The following CDKAL1 variants were observed in gnomAD, a reference collection of about 807,000 sequenced individuals.
CDKAL1 encodes the protein threonylcarbamoyladenosine tRNA methylthiotransferase.
Under a neutral mutation model 68.2 loss-of-function variants are expected in CDKAL1, and 32 were observed. The observed-to-expected ratio is 0.47, with a 90% CI of 0.35 to 0.63. The LOEUF (loss-of-function observed/expected upper bound fraction) is 0.63. CDKAL1 is among the 30% of genes least tolerant of loss of function. The pLI is 0.00. For missense variants in CDKAL1, 606 were observed against 696.7 expected (o/e 0.87, Z 1.47); for synonymous variants, 234 against 244.3 (o/e 0.96, Z 0.39).
intron 9 of CDKAL1, among the ~76,000 whole-genome samples, chr6:20,873,681 CA>C (rs1760340080): frequency 6.6e-6 from 1 of 152,136 alleles, no homozygotes; most frequent in Admixed American, 6.5e-5. Flanking sequence ...GCCATTGTCC[CA>C]CCCTCACATC....
intron 13 of CDKAL1, among the ~76,000 whole-genome samples, chr6:21,132,212 T>C (rs1775366069): frequency 6.6e-6 from 1 of 152,148 alleles, no homozygotes; most frequent in Non-Finnish European, 1.5e-5. Context: ...ACTGCATTAT[T>C]ATCAATAATA....
chr6:20,554,439 T>C lies in CDKAL1; in HGVS notation c.286+5734T>C, dbSNP rs559578300. 3.3e-5 allele frequency among the ~76,000 whole-genome samples: 5 copies of C among 152,368 alleles called. No homozygotes were observed. In the South Asian group the frequency reaches 1.0e-3, roughly 32 times the overall value. ...TGGTAAATTGTTTTCAGTGTGCTCA[T>C]TGGTGGCAAATCTTCATATCTTGAG... On this transcript the variant is annotated intron_variant, in intron 4 of 15. Coordinates refer to ENST00000274695, the MANE Select transcript of CDKAL1 (RefSeq NM_017774.3).
chr6:20,748,032 A>G (rs1410305887), intron 6 of CDKAL1, among the ~76,000 whole-genome samples: 1 of 152,214 alleles, frequency 6.6e-6, no homozygotes, highest in Non-Finnish European at 1.5e-5. Context: ...ATGGTGTAGT[A>G]TACAGATTCA....
chr6:21,228,415 A>G (rs1017300995), intron 15 of CDKAL1, among the ~76,000 whole-genome samples: 6 of 152,182 alleles, frequency 3.9e-5, no homozygotes, highest in Non-Finnish European at 8.8e-5. Context: ...GCCTCGGAGA[A>G]ATTAATCAAC....
At chr6:21,151,395 A>C (rs1327582271) in intron 13 of CDKAL1, among the ~76,000 whole-genome samples, 3 of 152,230 alleles carry the variant, frequency 2.0e-5, no homozygotes, top group African/African-American at 7.2e-5. Context: ...CATTCGCACA[A>C]AGGGTATTTG....
intron 10 of CDKAL1, among the ~76,000 whole-genome samples, chr6:20,958,660 T>C (rs1764904004): frequency 1.3e-5 from 2 of 152,208 alleles, no homozygotes; most frequent in South Asian, 4.1e-4. Context: ...TTTTAAACTA[T>C]AGGGATTGAA....
chr6:20,552,405 T>G (rs1763870087), intron 4 of CDKAL1, among the ~76,000 whole-genome samples: 1 of 152,102 alleles, frequency 6.6e-6, no homozygotes, highest in African/African-American at 2.4e-5. Context: ...GATATTGACT[T>G]TTTCTATGTC....
intron 8 of CDKAL1, among the ~76,000 whole-genome samples, chr6:20,801,522 A>G (rs1776363346): frequency 6.6e-6 from 1 of 152,156 alleles, no homozygotes. Flanking sequence ...GTTTCAAATG[A>G]AATTGCAGAC....
intron 4 of CDKAL1, among the ~76,000 whole-genome samples, chr6:20,613,189 A>T (rs545747091): frequency 6.7e-6 from 1 of 149,190 alleles, no homozygotes; most frequent in East Asian, 2.0e-4. Context: ...TTGCAGAAGT[A>T]ATTGCAGCTA....
intron 13 of CDKAL1, among the ~76,000 whole-genome samples, chr6:21,169,920 G>GA (rs983117941): frequency 1.2e-5 from 1 of 84,788 alleles, no homozygotes; most frequent in African/African-American, 7.1e-5. Flanking sequence ...GTACGGGAAA[G>GA]ACCCCCCCCA....
chr6:20,880,466 A>G (rs1157088232), intron 9 of CDKAL1, among the ~76,000 whole-genome samples: 4 of 152,158 alleles, frequency 2.6e-5, no homozygotes, highest in African/African-American at 9.7e-5. Context: ...CATGTTGGCC[A>G]GGAGTGTCTT....
chr6:20,896,102 T>C lies in CDKAL1; in HGVS notation c.742+49924T>C, dbSNP rs1432747077. Among the ~76,000 whole-genome samples, 2 of 114,784 alleles carry C rather than the reference T, an allele frequency of 1.7e-5. 1 individual carries two copies. Among genetic ancestry groups the C allele is most frequent in the African/African-American group, 6.0e-5 (2 of 33,182 alleles). The allele number at this position is 114,784 out of a possible 152,430, so 75.3% of individuals were successfully genotyped here. On this transcript the variant is annotated intron_variant, in intron 9 of 15. Coordinates refer to ENST00000274695, the MANE Select transcript of CDKAL1 (RefSeq NM_017774.3). ...TTCTTTTTTTTCTTTTCTTTTCTTT[T>C]CTTTTTTTTTTTTTTTTGAGATGGA...
chr6:20,808,894 T>C (rs1165742156), intron 8 of CDKAL1, among the ~76,000 whole-genome samples: 1 of 152,214 alleles, frequency 6.6e-6, no homozygotes, highest in Non-Finnish European at 1.5e-5. Context: ...CTGCTGTCTT[T>C]GATTTTGTGT....
intron 11 of CDKAL1, among the ~76,000 whole-genome samples, chr6:21,016,447 G>T (rs1018769113): frequency 1.3e-5 from 2 of 151,812 alleles, no homozygotes; most frequent in African/African-American, 4.8e-5. Context: ...CTGTAATCTG[G>T]TTTCTGCTTA....
chr6:20,903,820 G>T (rs1174212870), intron 9 of CDKAL1, among the ~76,000 whole-genome samples: 1 of 152,170 alleles, frequency 6.6e-6, no homozygotes, highest in East Asian at 1.9e-4. Flanking sequence ...AGGATTCTGG[G>T]AAGATGGCAG....
chr6:20,796,701 T>G (rs990025480), intron 8 of CDKAL1, among the ~76,000 whole-genome samples: 6 of 152,166 alleles, frequency 3.9e-5, no homozygotes, highest in Non-Finnish European at 7.3e-5. Flanking sequence ...TATGGGCAGT[T>G]GATTTTGACA....
intron 10 of CDKAL1, among the ~76,000 whole-genome samples, chr6:20,985,018 G>A (rs1318365639): frequency 1.3e-5 from 2 of 152,028 alleles, no homozygotes; most frequent in African/African-American, 2.4e-5. Context: ...ATTTGGAATG[G>A]GCTAGGGAGC....
chr6:20,554,417 T>C (rs1763955740), intron 4 of CDKAL1, among the ~76,000 whole-genome samples: 1 of 152,242 alleles, frequency 6.6e-6, no homozygotes, highest in Non-Finnish European at 1.5e-5. Context: ...GAGATGTTGG[T>C]AAATTGTTTT....
chr6:20,584,201 G>A (rs1043873628), intron 4 of CDKAL1, among the ~76,000 whole-genome samples: 3 of 152,006 alleles, frequency 2.0e-5, no homozygotes, highest in African/African-American at 7.2e-5. Flanking sequence ...AGATTCTTAA[G>A]GCTTTTTGTA....
Sources: gnomAD v4.1 joint callset for allele counts (sites outside exome capture counted in the v4.1 genomes callset) on GRCh38, gnomAD v4.1.1 for gene constraint, MANE v1.5 for transcripts, NCBI Gene and HGNC (gene_info 2026-07-23, HGNC 2026-07-21) for gene names.